Variants in PPM1L observed in about 807,000 individuals in gnomAD.
The protein encoded by PPM1L is protein phosphatase 1L.
A neutral mutation model predicts 31.4 loss-of-function variants in PPM1L; 13 were observed. The ratio of observed to expected loss-of-function variants is 0.41; its 90% CI spans 0.27 to 0.66. The LOEUF (loss-of-function observed/expected upper bound fraction) is 0.66, where lower values mean the gene tolerates loss of function less well. Among genes scored for constraint, PPM1L ranks in the 30% least tolerant of loss-of-function variants. PPM1L has a pLI of 0.29. For missense variants in PPM1L, 326 were observed against 453.7 expected (o/e 0.72, Z 2.56); for synonymous variants, 184 against 175.4 (o/e 1.05, Z -0.39).
intron 1 of PPM1L, among the ~76,000 whole-genome samples, chr3:160,948,300 A>G (rs1009450646): frequency 1.3e-5 from 2 of 149,650 alleles, no homozygotes; most frequent in African/African-American, 2.4e-5. Context: ...GCTTTTCCAC[A>G]CAATTAGGTA....
chr3:160,773,714 C>T (rs924542310), intron 1 of PPM1L, among the ~76,000 whole-genome samples: 1 of 152,064 alleles, frequency 6.6e-6, no homozygotes, highest in African/African-American at 2.4e-5. Flanking sequence ...TTCCTTTTTC[C>T]ATCTGACACT....
chr3:160,991,834 C>T (rs1717145928), intron 2 of PPM1L, among the ~76,000 whole-genome samples: 1 of 152,150 alleles, frequency 6.6e-6, no homozygotes, highest in Non-Finnish European at 1.5e-5. Flanking sequence ...ACATATGATA[C>T]ATCTATAGTA....
At chr3:161,034,453 C>T (rs1251964559) in intron 2 of PPM1L, among the ~76,000 whole-genome samples, 1 of 152,104 alleles carries the variant, frequency 6.6e-6, no homozygotes, top group Non-Finnish European at 1.5e-5. Flanking sequence ...AAATGGCCAT[C>T]AATGATAGAC....
intron 2 of PPM1L, among the ~76,000 whole-genome samples, chr3:160,973,777 T>TTTTG (rs1559909385): frequency 6.1e-3 from 296 of 48,188 alleles, no homozygotes; most frequent in African/African-American, 0.028. Flanking sequence ...TTTTTTTTTT[T>TTTTG]TTTTTTTTTT....
chr3:160,775,913 C>T (rs900715607), intron 1 of PPM1L, among the ~76,000 whole-genome samples: 1 of 152,082 alleles, frequency 6.6e-6, no homozygotes, highest in African/African-American at 2.4e-5. Context: ...GGGGCAGAAA[C>T]AGTGATTTAT....
intron 1 of PPM1L, among the ~76,000 whole-genome samples, chr3:160,843,515 G>A (rs1476529129): frequency 7.3e-6 from 1 of 137,188 alleles, no homozygotes; most frequent in Admixed American, 8.0e-5. Context: ...TGTGCACAAC[G>A]TGCAGGTTTG....
intron 1 of PPM1L, among the ~76,000 whole-genome samples, chr3:160,850,735 C>A (rs190084647): frequency 5.8e-4 from 89 of 152,268 alleles, no homozygotes; most frequent in African/African-American, 2.1e-3. Flanking sequence ...ATGTCATGGG[C>A]AATTACCATT....
chr3:161,046,324 A>C (rs1719068251), intron 2 of PPM1L, among the ~76,000 whole-genome samples: 2 of 152,124 alleles, frequency 1.3e-5, no homozygotes, highest in East Asian at 1.9e-4. Context: ...TATGCAAATA[A>C]ACTAGAAAAT....
intron 1 of PPM1L, among the ~76,000 whole-genome samples, chr3:160,809,682 T>C (rs908933484): frequency 6.6e-6 from 1 of 152,166 alleles, no homozygotes; most frequent in Admixed American, 6.5e-5. Context: ...GTGTCCTTGC[T>C]TGCTCTTACC....
rs1204425630 is a variant in PPM1L, at chr3:160,808,383, C to CTCTG, written c.399+51677_399+51678insCTGT. On this transcript the variant is annotated intron_variant, in intron 1 of 3. Transcript: ENST00000498165. Reference sequence around the variant, plus strand: ...TAAGAGCTGCAGTGCCAGGATTTTCCTGTGTGTGTGTGTGTGTGTGTGTGT... The same window carrying CTCTG: ...TAAGAGCTGCAGTGCCAGGATTTTCCTCTGTGTGTGTGTGTGTGTGTGTGTGTGT... Among the ~76,000 whole-genome samples the CTCTG allele has an allele frequency of 9.2e-3, 1,014 of 110,338 alleles. 91 individuals are homozygous for CTCTG. Among genetic ancestry groups the CTCTG allele is most frequent in the African/African-American group, 0.034 (955 of 28,002 alleles). The allele number at this position is 110,338 out of a possible 152,430, so 72.4% of individuals were successfully genotyped here. A position where few individuals can be genotyped will look rare whatever the true frequency, so the allele number is the denominator to read the frequency against.
At chr3:160,770,954 C>G (rs960733404) in intron 1 of PPM1L, among the ~76,000 whole-genome samples, 1 of 152,104 alleles carries the variant, frequency 6.6e-6, no homozygotes, top group Non-Finnish European at 1.5e-5. Context: ...AAAGTCATGT[C>G]TAGTCAAAAT....
intron 1 of PPM1L, among the ~76,000 whole-genome samples, chr3:160,928,807 G>A (rs1033486091): frequency 1.3e-5 from 2 of 152,074 alleles, no homozygotes; most frequent in African/African-American, 4.8e-5. Context: ...ACAGGCCTTC[G>A]CCGGAGACTG....
intron 1 of PPM1L, among the ~76,000 whole-genome samples, chr3:160,944,211 A>G (rs973627644): frequency 2.6e-5 from 4 of 151,960 alleles, no homozygotes; most frequent in African/African-American, 9.7e-5. Context: ...TGGATTTAGT[A>G]TGTCCCTGCC....
rs1469183866 is a variant in PPM1L at position 161,070,475 on chromosome 3, A to C, written c.*1318A>C. On this transcript the variant is annotated 3_prime_UTR_variant, in exon 4 of 4. Coordinates refer to ENST00000498165, the MANE Select transcript of PPM1L (RefSeq NM_139245.4). ...TGCAACACAGTAAGTCAGGAATTCAAGCGTGAACCCATATTGATAAGTGGG... is the reference window on the plus strand; with the variant it reads ...TGCAACACAGTAAGTCAGGAATTCACGCGTGAACCCATATTGATAAGTGGG... The C allele has an allele frequency of 6.6e-6, 1 of 152,228 alleles. No individual in the cohort carries two copies. The highest frequency in any genetic ancestry group is 1.9e-4 in the East Asian group (1 of 5,198). The allele number at this position is 152,228 out of a possible 1,614,324, so 9.4% of individuals were successfully genotyped here. A position where few individuals can be genotyped will look rare whatever the true frequency, so the allele number is the denominator to read the frequency against.
intron 1 of PPM1L, among the ~76,000 whole-genome samples, chr3:160,899,552 T>C (rs529402485): frequency 1.7e-4 from 26 of 151,846 alleles, no homozygotes; most frequent in African/African-American, 5.6e-4. Context: ...AAGTACAGCT[T>C]TGGTCACTTC....
At chr3:160,875,730 ATTTAGG>A (rs1712485947) in intron 1 of PPM1L, among the ~76,000 whole-genome samples, 1 of 152,196 alleles carries the variant, frequency 6.6e-6, no homozygotes, top group Non-Finnish European at 1.5e-5. Flanking sequence ...GAAGAAACAC[ATTTAGG>A]TTAAGTAAAA....
At chr3:161,000,581 T>C (rs1182851045) in intron 2 of PPM1L, among the ~76,000 whole-genome samples, 2 of 152,064 alleles carry the variant, frequency 1.3e-5, no homozygotes, top group Non-Finnish European at 2.9e-5. Flanking sequence ...GGAAAAAAAG[T>C]TATTAGAGAC....
chr3:160,900,977 C>T (rs1713519382), intron 1 of PPM1L, among the ~76,000 whole-genome samples: 1 of 152,050 alleles, frequency 6.6e-6, no homozygotes, highest in Non-Finnish European at 1.5e-5. Flanking sequence ...TTTTAAGATA[C>T]CAGTTTCTTT....
intron 1 of PPM1L, among the ~76,000 whole-genome samples, chr3:160,837,649 T>C (rs1480407388): frequency 6.6e-6 from 1 of 152,196 alleles, no homozygotes; most frequent in African/African-American, 2.4e-5. Flanking sequence ...CTTGTCCTTG[T>C]TGCAAGAAGG....
Sources: allele counts gnomAD v4.1 joint callset (sites outside exome capture counted in the v4.1 genomes callset), GRCh38; gene constraint gnomAD v4.1.1; transcripts MANE v1.5; gene names NCBI Gene and HGNC (gene_info 2026-07-23, HGNC 2026-07-21).